Variants in THRB observed in about 807,000 individuals in gnomAD.
THRB encodes the protein thyroid hormone receptor beta.
A neutral mutation model predicts 47.8 loss-of-function variants in THRB; 12 were observed. The observed-to-expected ratio is 0.25, with a 90% CI of 0.16 to 0.41. The LOEUF is 0.41. Among genes scored for constraint, THRB ranks in the 10% least tolerant of loss-of-function variants. The pLI is 1.00. For synonymous variants in THRB, 218 were observed against 212.2 expected, an observed-to-expected ratio of 1.03 and a Z score of -0.24; for missense variants, 348 against 589.2, an observed-to-expected ratio of 0.59 and a Z score of 4.24.
chr3:24,422,754 A>G (rs1024556334), intron 1 of THRB, among the ~76,000 whole-genome samples: 7 of 151,880 alleles, frequency 4.6e-5, no homozygotes, highest in African/African-American at 1.7e-4. Flanking sequence ...CCTCCTCCAG[A>G]ATCCAACAAT....
At chr3:24,373,854 C>G (rs2065085157) in intron 1 of THRB, among the ~76,000 whole-genome samples, 1 of 152,160 alleles carries the variant, frequency 6.6e-6, no homozygotes, top group Non-Finnish European at 1.5e-5. Flanking sequence ...CATTCATACA[C>G]TGCTGAGTGT....
At chr3:24,183,164 A>G (rs1246792002) in intron 5 of THRB, among the ~76,000 whole-genome samples, 2 of 151,346 alleles carry the variant, frequency 1.3e-5, no homozygotes, top group African/African-American at 2.4e-5. Flanking sequence ...GCGTCCCTTC[A>G]TTTATTTTTA....
At chr3:24,163,613 T>C (rs1012675562) in intron 5 of THRB, among the ~76,000 whole-genome samples, 21 of 152,210 alleles carry the variant, frequency 1.4e-4, no homozygotes, top group African/African-American at 4.8e-4. Context: ...AAATTACTTA[T>C]ACTATTAAAT....
chr3:24,193,154 G>A (rs1040920562), intron 4 of THRB, among the ~76,000 whole-genome samples: 5 of 152,166 alleles, frequency 3.3e-5, no homozygotes, highest in African/African-American at 1.2e-4. Context: ...GGCAATAATG[G>A]TCTTCAGTAA....
chr3:24,195,858 G>A (rs2043894729), intron 4 of THRB, among the ~76,000 whole-genome samples: 2 of 152,200 alleles, frequency 1.3e-5, no homozygotes, highest in South Asian at 4.1e-4. Context: ...GTTTGAGGGA[G>A]GCCTTTCCTG....
intron 5 of THRB, among the ~76,000 whole-genome samples, chr3:24,162,818 ATAATTTTTTTATAAGATTG>A (rs2039078275): frequency 6.6e-6 from 1 of 152,068 alleles, no homozygotes; most frequent in Non-Finnish European, 1.5e-5. Flanking sequence ...GTTTGTACCT[ATAATTTTTTTATAAGATTG>A]TAATTTTTTT....
intron 1 of THRB, among the ~76,000 whole-genome samples, chr3:24,347,299 A>T (rs1344931828): frequency 6.6e-6 from 1 of 151,974 alleles, no homozygotes; most frequent in South Asian, 2.1e-4. Flanking sequence ...ATGACAGCCA[A>T]GGATCTAATA....
At chr3:24,491,019 T>C (rs551223147) in intron 1 of THRB, among the ~76,000 whole-genome samples, 1 of 152,334 alleles carries the variant, frequency 6.6e-6, no homozygotes, top group Non-Finnish European at 1.5e-5. Context: ...AATTTGATAT[T>C]TCATACGAGT....
At chr3:24,488,072 T>C (rs1000642187) in intron 1 of THRB, among the ~76,000 whole-genome samples, 8 of 152,228 alleles carry the variant, frequency 5.3e-5, no homozygotes, top group African/African-American at 1.9e-4. Context: ...ATGACTATCT[T>C]GTCAACATTC....
At chr3:24,198,215 G>C (rs143460813) in intron 4 of THRB, among the ~76,000 whole-genome samples, 1 of 152,130 alleles carries the variant, frequency 6.6e-6, no homozygotes, top group Admixed American at 6.5e-5. Flanking sequence ...TGGAATATTC[G>C]GACAAGGGAG....
At chr3:24,145,341 CCTCACAAGCAAGTAAAGGG>C (rs2035948366) in intron 7 of THRB, among the ~76,000 whole-genome samples, 1 of 151,988 alleles carries the variant, frequency 6.6e-6, no homozygotes, top group Admixed American at 6.6e-5. Flanking sequence ...TCTTAGAATC[CCTCACAAGCAAGTAAAGGG>C]CACTCAAAAT....
chr3:24,125,931 AG>A (rs2032689547), intron 10 of THRB, among the ~76,000 whole-genome samples: 1 of 152,160 alleles, frequency 6.6e-6, no homozygotes, highest in African/African-American at 2.4e-5. Flanking sequence ...GGAGTGTAGG[AG>A]GCCGGTCTGG....
chr3:24,368,371 G>T (rs1251189868), intron 1 of THRB, among the ~76,000 whole-genome samples: 1 of 152,112 alleles, frequency 6.6e-6, no homozygotes, highest in African/African-American at 2.4e-5. Context: ...CAAATGAACA[G>T]GAGGAGAAGA....
intron 1 of THRB, among the ~76,000 whole-genome samples, chr3:24,387,141 G>A (rs1379796861): frequency 6.6e-6 from 1 of 152,038 alleles, no homozygotes; most frequent in Non-Finnish European, 1.5e-5. Flanking sequence ...ACTTCACAGG[G>A]AGGAATATAT....
intron 2 of THRB, among the ~76,000 whole-genome samples, chr3:24,325,788 T>C (rs2058767507): frequency 6.6e-6 from 1 of 152,226 alleles, no homozygotes; most frequent in Non-Finnish European, 1.5e-5. Flanking sequence ...ATTTCAAAGG[T>C]ATGTTAGTGT....
intron 1 of THRB, among the ~76,000 whole-genome samples, chr3:24,420,124 C>G (rs1014191299): frequency 1.3e-5 from 2 of 151,916 alleles, no homozygotes; most frequent in Non-Finnish European, 2.9e-5. Flanking sequence ...CCTGGCATGT[C>G]ATAGTGCTTA....
At chr3:24,479,444 G>A (rs188335052) in intron 1 of THRB, among the ~76,000 whole-genome samples, 1 of 152,286 alleles carries the variant, frequency 6.6e-6, no homozygotes, top group Non-Finnish European at 1.5e-5. Context: ...GGGAACACGG[G>A]GGCATGGTAG....
In THRB at chr3:24,390,797, A is replaced by AAAAAAAAAT. The variant is rs5847290; in HGVS notation, c.-260-53427_-260-53426insATTTTTTTT. Among the ~76,000 whole-genome samples, 521 of 137,832 alleles carry AAAAAAAAAT rather than the reference A, an allele frequency of 3.8e-3. 2 individuals carry two copies. The highest frequency in any genetic ancestry group is 0.013 in the African/African-American group (472 of 37,030). The allele number at this position is 137,832 out of a possible 152,430, so 90.4% of individuals were successfully genotyped here. A position where few individuals can be genotyped will look rare whatever the true frequency, so the allele number is the denominator to read the frequency against. On this transcript the variant is annotated intron_variant, in intron 1 of 10. Coordinates refer to ENST00000646209, the MANE Select transcript of THRB (RefSeq NM_001354712.2). ...ATCTTTACTTTGTAAAAAAAAAAAA[A>AAAAAAAAAT]ATATATATATATATATAATATTATT...
intron 2 of THRB, among the ~76,000 whole-genome samples, chr3:24,323,214 C>T (rs187180761): frequency 3.3e-5 from 5 of 151,372 alleles, no homozygotes; most frequent in African/African-American, 4.9e-5. Flanking sequence ...ACCATTCCTA[C>T]GCACGGTTTT....
Sources: allele counts gnomAD v4.1 joint callset (sites outside exome capture counted in the v4.1 genomes callset), GRCh38; gene constraint gnomAD v4.1.1; transcripts MANE v1.5; gene names NCBI Gene and HGNC (gene_info 2026-07-23, HGNC 2026-07-21).